Variants in HCN1 observed in about 807,000 individuals in gnomAD.
HCN1 encodes the protein potassium/sodium hyperpolarization-activated cyclic nucleotide-gated channel 1.
In HCN1, 13 loss-of-function variants were observed where a neutral mutation model predicts 78.9. The ratio of observed to expected loss-of-function variants is 0.16; its 90% CI spans 0.11 to 0.26. The LOEUF is 0.26. Ranked by LOEUF, HCN1 falls within the 10% of genes least tolerant of loss-of-function variation. The pLI, the probability that HCN1 is intolerant of heterozygous loss-of-function variation, is 1.00. For synonymous variants in HCN1, 552 were observed against 455.5 expected (o/e 1.21, Z -2.70); for missense variants, 810 against 1,154.3 (o/e 0.70, Z 4.32).
At chr5:45,684,793 C>G (rs903562411) in intron 1 of HCN1, among the ~76,000 whole-genome samples, 2 of 152,118 alleles carry the variant, frequency 1.3e-5, no homozygotes, top group Admixed American at 6.5e-5. Context: ...ACCCAGGAGG[C>G]GGAGGTTGCA....
intron 5 of HCN1, among the ~76,000 whole-genome samples, chr5:45,349,370 A>G (rs1455315890): frequency 1.3e-5 from 2 of 152,228 alleles, no homozygotes; most frequent in Non-Finnish European, 2.9e-5. Context: ...ACACATTCAA[A>G]GTAGTGTGTA....
At chr5:45,450,964 A>G (rs1405563140) in intron 3 of HCN1, among the ~76,000 whole-genome samples, 1 of 152,150 alleles carries the variant, frequency 6.6e-6, no homozygotes, top group Non-Finnish European at 1.5e-5. Context: ...TTTGGCTTCT[A>G]TCTCCTACTT....
chr5:45,420,688 T>C (rs935603629), intron 3 of HCN1, among the ~76,000 whole-genome samples: 8 of 152,074 alleles, frequency 5.3e-5, no homozygotes, highest in Non-Finnish European at 1.2e-4. Context: ...TAACTCAAAG[T>C]AGAACATAAT....
chr5:45,317,304 C>A (rs987005052), intron 5 of HCN1, among the ~76,000 whole-genome samples: 1 of 152,090 alleles, frequency 6.6e-6, no homozygotes, highest in Non-Finnish European at 1.5e-5. Flanking sequence ...TTGACAAAAA[C>A]AAGAATTGGG....
At chr5:45,657,461 A>C (rs1745795705) in intron 1 of HCN1, among the ~76,000 whole-genome samples, 1 of 152,244 alleles carries the variant, frequency 6.6e-6, no homozygotes, top group Non-Finnish European at 1.5e-5. Flanking sequence ...GAATCCCATT[A>C]GTAGGCAGAT....
intron 7 of HCN1, 49 bp from the exon 8 acceptor site, chr5:45,262,859 T>A: frequency 6.2e-7 from 1 of 1,602,664 alleles, no homozygotes; most frequent in Non-Finnish European, 8.5e-7. Flanking sequence ...CAATGACTGA[T>A]GACAACGCCA....
At chr5:45,270,362 C>A (rs1218075901) in intron 6 of HCN1, among the ~76,000 whole-genome samples, 1 of 152,106 alleles carries the variant, frequency 6.6e-6, no homozygotes, top group African/African-American at 2.4e-5. Context: ...TTTGGTAAAT[C>A]GGAATAAGGT....
chr5:45,399,240 G>T (rs1443223502), intron 3 of HCN1, among the ~76,000 whole-genome samples: 1 of 152,164 alleles, frequency 6.6e-6, no homozygotes. Context: ...GGGACACATA[G>T]CATCTAGACT....
At chr5:45,424,702 T>C (rs1740306169) in intron 3 of HCN1, among the ~76,000 whole-genome samples, 1 of 152,198 alleles carries the variant, frequency 6.6e-6, no homozygotes, top group African/African-American at 2.4e-5. Flanking sequence ...TGTTTATTAC[T>C]GACAATGTTG....
chr5:45,407,280 T>G (rs150659243), intron 3 of HCN1, among the ~76,000 whole-genome samples: 197 of 152,208 alleles, frequency 1.3e-3, no homozygotes, highest in African/African-American at 4.7e-3. Context: ...GCGTCACTCA[T>G]CTGCTTGTGG....
intron 2 of HCN1, among the ~76,000 whole-genome samples, chr5:45,547,169 ATCCT>A (rs1561196357): frequency 6.6e-6 from 1 of 151,926 alleles, no homozygotes; most frequent in East Asian, 1.9e-4. Context: ...CTTTTAATAG[ATCCT>A]TCATGATATG....
intron 2 of HCN1, among the ~76,000 whole-genome samples, chr5:45,600,436 A>G (rs1158286607): frequency 3.9e-5 from 6 of 152,136 alleles, no homozygotes; most frequent in African/African-American, 1.4e-4. Flanking sequence ...GAGTCATTGG[A>G]ATTTTCATAT....
intron 1 of HCN1, among the ~76,000 whole-genome samples, chr5:45,657,268 C>T (rs761968021): frequency 1.1e-4 from 16 of 152,174 alleles, no homozygotes; most frequent in Non-Finnish European, 2.2e-4. Context: ...AATATCCACT[C>T]CAATTCACTA....
At chr5:45,394,114 C>T (rs1246171691) in intron 4 of HCN1, among the ~76,000 whole-genome samples, 1 of 152,110 alleles carries the variant, frequency 6.6e-6, no homozygotes, top group African/African-American at 2.4e-5. Flanking sequence ...ATTTAAGGAT[C>T]TTTGAAATAA....
At chr5:45,642,995 T>C (rs1288625976) in intron 2 of HCN1, 1 of 152,156 alleles carries the variant, frequency 6.6e-6, no homozygotes, top group African/African-American at 2.4e-5. Context: ...CAAGGTCATT[T>C]ATTTATAAGA....
intron 2 of HCN1, among the ~76,000 whole-genome samples, chr5:45,625,003 T>C (rs1745135607): frequency 6.6e-6 from 1 of 152,140 alleles, no homozygotes; most frequent in African/African-American, 2.4e-5. Flanking sequence ...CCTCATAAAA[T>C]TGTTTGATCT....
At chr5:45,623,609 C>T (rs1005966517) in intron 2 of HCN1, among the ~76,000 whole-genome samples, 2 of 152,102 alleles carry the variant, frequency 1.3e-5, no homozygotes, top group Non-Finnish European at 2.9e-5. Flanking sequence ...GTAAAGAATC[C>T]TAACTATTAT....
At chr5:45,594,577 A>G (rs900033263) in intron 2 of HCN1, among the ~76,000 whole-genome samples, 14 of 152,356 alleles carry the variant, frequency 9.2e-5, no homozygotes, top group African/African-American at 3.4e-4. Context: ...ATTGAATATC[A>G]CAGTCAGCAA....
At chr5:45,292,600 A>T (rs1283356616) in intron 6 of HCN1, among the ~76,000 whole-genome samples, 3 of 152,052 alleles carry the variant, frequency 2.0e-5, no homozygotes, top group Non-Finnish European at 4.4e-5. Context: ...CATTAAGTTT[A>T]GATTGTACTT....
Sources: gnomAD v4.1 joint callset for allele counts (sites outside exome capture counted in the v4.1 genomes callset) on GRCh38, gnomAD v4.1.1 for gene constraint, MANE v1.5 for transcripts, NCBI Gene and HGNC (gene_info 2026-07-23, HGNC 2026-07-21) for gene names.